ZNF821: variants seen among roughly 807,000 people sequenced by gnomAD.
The protein encoded by ZNF821 is zinc finger protein 821.
ZNF821 carries 16 observed loss-of-function variants against 44.3 expected under a neutral mutation model. The observed-to-expected ratio is 0.36, with a 90% CI of 0.24 to 0.55. The LOEUF (loss-of-function observed/expected upper bound fraction) is 0.55, where lower values mean the gene tolerates loss of function less well. ZNF821 is among the 20% of genes least tolerant of loss of function. ZNF821 has a pLI of 0.86. For missense variants in ZNF821, 436 were observed against 547.6 expected, an observed-to-expected ratio of 0.80 and a Z score of 2.03; for synonymous variants, 204 against 197.6, an observed-to-expected ratio of 1.03 and a Z score of -0.27.
intron 3 of ZNF821, among the ~76,000 whole-genome samples, chr16:71,868,690 C>A (rs1334974685): frequency 6.6e-6 from 1 of 151,840 alleles, no homozygotes; most frequent in African/African-American, 2.4e-5. Context: ...GAACAAACTT[C>A]CTGAAACACA....
intron 4 of ZNF821, 126 bp from the exon 5 acceptor site, chr16:71,865,174 G>T: frequency 1.6e-6 from 2 of 1,236,290 alleles, no homozygotes; most frequent in Non-Finnish European, 2.3e-6. Context: ...AGTTTATATA[G>T]TTTTGTTGGG....
At chr16:71,874,124 A>G (rs1462209420) in intron 3 of ZNF821, among the ~76,000 whole-genome samples, 1 of 151,474 alleles carries the variant, frequency 6.6e-6, no homozygotes, top group Non-Finnish European at 1.5e-5. Context: ...ATGCCCAGCT[A>G]ATTTTTGTAT....
chr16:71,867,786 T>C, intron 4 of ZNF821, 126 bp downstream of exon 4: 1 of 1,315,000 alleles, frequency 7.6e-7, no homozygotes, highest in Admixed American at 2.4e-5. Context: ...TTGGGGACAC[T>C]GAGGATCCAC....
intron 3 of ZNF821, among the ~76,000 whole-genome samples, chr16:71,877,702 T>G (rs944457632): frequency 2.6e-5 from 4 of 151,830 alleles, no homozygotes; most frequent in South Asian, 2.1e-4. Context: ...GTAGGTCACT[T>G]GAGCTCAGGA....
At chr16:71,894,979 G>A in exon 1 of ZNF821, 1 of 715,876 alleles carries the variant, frequency 1.4e-6, no homozygotes, top group South Asian at 1.7e-5. Context: ...CTGGTCCAAA[G>A]GGCAACCGGA....
At chr16:71,872,947 G>C (rs1382414353) in intron 3 of ZNF821, among the ~76,000 whole-genome samples, 3 of 152,194 alleles carry the variant, frequency 2.0e-5, no homozygotes, top group Non-Finnish European at 4.4e-5. Flanking sequence ...CATTTGCTTA[G>C]TGGTTTGGTT....
At chr16:71,887,836 C>G (rs2036867250), upstream of ZNF821, among the ~76,000 whole-genome samples, 3 of 148,656 alleles carry the variant, frequency 2.0e-5, no homozygotes, top group African/African-American at 7.4e-5. Context: ...AATCCTTTGC[C>G]TATTTTTAAA....
intron 3 of ZNF821, among the ~76,000 whole-genome samples, chr16:71,879,589 T>C (rs59438298): frequency 3.3e-5 from 5 of 152,272 alleles, no homozygotes; most frequent in African/African-American, 1.2e-4. Flanking sequence ...CCCTGACATC[T>C]AGCACAAGGA....
At chr16:71,872,589 G>T (rs911654700) in intron 3 of ZNF821, among the ~76,000 whole-genome samples, 1 of 152,210 alleles carries the variant, frequency 6.6e-6, no homozygotes, top group South Asian at 2.1e-4. Context: ...CTCCAGCCTG[G>T]GCGACAGAGC....
chr16:71,865,121 T>C (rs1233889406), intron 4 of ZNF821, 73 bp from the exon 5 acceptor site: 2 of 1,576,034 alleles, frequency 1.3e-6, no homozygotes, highest in South Asian at 1.1e-5. Flanking sequence ...CACCCTAGAG[T>C]TGGCAGTTAC....
chr16:71,864,706 T>G, intron 5 of ZNF821, 197 bp downstream of exon 5: 1 of 621,404 alleles, frequency 1.6e-6, no homozygotes, highest in Non-Finnish European at 2.8e-6. Context: ...CAGCGATTCG[T>G]GGATGGAAAA....
At chr16:71,864,442 CAGAG>C (rs2034296639) in intron 5 of ZNF821, among the ~76,000 whole-genome samples, 200 bp from the exon 6 acceptor site, 1 of 152,226 alleles carries the variant, frequency 6.6e-6, no homozygotes. Flanking sequence ...AGGATTGCCT[CAGAG>C]AGAGCCAATC....
At chr16:71,862,072 T>A in intron 6 of ZNF821, 130 bp from the exon 7 acceptor site, 1 of 1,089,044 alleles carries the variant, frequency 9.2e-7, no homozygotes, top group Non-Finnish European at 1.3e-6. Flanking sequence ...GTATTCTGTT[T>A]AGCCCCTAGA....
chr16:71,884,531 C>G (rs1210637273), upstream of ZNF821: 1 of 152,554 alleles, frequency 6.6e-6, no homozygotes, highest in Non-Finnish European at 1.5e-5. Flanking sequence ...CCACAACCCC[C>G]AACCACAGCT....
At chr16:71,890,614 T>G (rs537324649) in intron 1 of ZNF821, 41 of 152,166 alleles carry the variant, frequency 2.7e-4, no homozygotes, top group African/African-American at 8.9e-4. Context: ...CTCGAACTCC[T>G]GACCTCAAGT....
intron 6 of ZNF821, among the ~76,000 whole-genome samples, chr16:71,862,299 AC>A (rs2033990414): frequency 6.6e-6 from 1 of 152,050 alleles, no homozygotes; most frequent in Non-Finnish European, 1.5e-5. Flanking sequence ...ATATGGTGAA[AC>A]CCCATCTCTA....
chr16:71,860,503 T>A lies in ZNF821; in HGVS notation c.754A>T (p.Thr252Ser). 1 of 1,613,940 alleles carries A rather than the reference T, an allele frequency of 6.2e-7. No individual in the cohort carries two copies. The change falls in exon 8 of 8, where the codon ACT becomes TCT. Residue 252 changes from threonine to serine, a missense_variant. Physicochemically the swap from Thr to Ser is moderately conservative, Grantham distance 58 (BLOSUM62 1). Transcript: ENST00000425432. This position sits in a 1 kb window ranked among gnomAD's most constrained non-coding sequence, Gnocchi z 7.3. Reference sequence around the variant, plus strand: ...AGAGCCCACTTGCGTACACTGGGAGTCTGGGCTTCCAGCAGTTTACGGTAG... The same window carrying A: ...AGAGCCCACTTGCGTACACTGGGAGACTGGGCTTCCAGCAGTTTACGGTAG... ...AAYRKLLEAQ[T>S]PSVRKWALRR... is the part of the protein sequence containing the mutation.
chr16:71,868,937 C>T (rs1231129115), intron 3 of ZNF821, among the ~76,000 whole-genome samples: 2 of 152,168 alleles, frequency 1.3e-5, no homozygotes, highest in Non-Finnish European at 2.9e-5. Context: ...GCTGGGATTA[C>T]AGGCGTGAGC....
At chr16:71,869,542 G>A (rs551271994) in intron 3 of ZNF821, among the ~76,000 whole-genome samples, 2 of 147,608 alleles carry the variant, frequency 1.4e-5, no homozygotes, top group East Asian at 3.9e-4. Context: ...GCAAAACTCC[G>A]TGTGGTAGGG....
Sources: allele counts gnomAD v4.1 joint callset (sites outside exome capture counted in the v4.1 genomes callset), GRCh38; gene constraint gnomAD v4.1.1; non-coding constraint Gnocchi (gnomAD v3.1); transcripts MANE v1.5; gene names NCBI Gene and HGNC (gene_info 2026-07-23, HGNC 2026-07-21).